Variants in KCNIP4 observed in about 807,000 individuals in gnomAD.
KCNIP4 encodes the protein potassium voltage-gated channel interacting protein 4.
A neutral mutation model predicts 34.0 loss-of-function variants in KCNIP4; 12 were observed. The ratio of observed to expected loss-of-function variants is 0.35; its 90% CI spans 0.23 to 0.57. KCNIP4 has a LOEUF of 0.57. KCNIP4 is among the 20% of genes least tolerant of loss of function. The pLI is 0.83. For missense variants in KCNIP4, 238 were observed against 311.7 expected (o/e 0.76, Z 1.78); for synonymous variants, 124 against 102.2 (o/e 1.21, Z -1.29).
intron 1 of KCNIP4, among the ~76,000 whole-genome samples, chr4:21,939,150 T>C (rs1181226266): frequency 6.6e-6 from 1 of 152,176 alleles, no homozygotes; most frequent in Non-Finnish European, 1.5e-5. Flanking sequence ...GTTTTACCCT[T>C]TTACAGTTTA....
chr4:21,497,475 T>C (rs1732946250), intron 1 of KCNIP4, among the ~76,000 whole-genome samples: 1 of 152,168 alleles, frequency 6.6e-6, no homozygotes, highest in Non-Finnish European at 1.5e-5. Context: ...GATGAACTCC[T>C]ACTCATCCCT....
chr4:21,222,844 ATAT>A (rs1348095375), intron 1 of KCNIP4, among the ~76,000 whole-genome samples: 1 of 152,198 alleles, frequency 6.6e-6, no homozygotes, highest in Non-Finnish European at 1.5e-5. Context: ...GTGTTTTGCA[ATAT>A]TGCCTACCCA....
intron 1 of KCNIP4, among the ~76,000 whole-genome samples, chr4:21,766,294 T>A (rs914885089): frequency 4.6e-5 from 7 of 152,156 alleles, no homozygotes; most frequent in Admixed American, 4.6e-4. Flanking sequence ...ATTTACTATC[T>A]CAATAATAAC....
chr4:21,879,550 C>A (rs112651855), intron 1 of KCNIP4, among the ~76,000 whole-genome samples: 1 of 152,142 alleles, frequency 6.6e-6, no homozygotes, highest in African/African-American at 2.4e-5. Flanking sequence ...TCATTTTGTT[C>A]TGTTTTCCTG....
chr4:21,741,454 T>A (rs1251043481), intron 1 of KCNIP4, among the ~76,000 whole-genome samples: 1 of 152,160 alleles, frequency 6.6e-6, no homozygotes, highest in African/African-American at 2.4e-5. Context: ...TATCTGCTTC[T>A]ATTCCCCAAG....
chr4:21,214,323 C>T (rs1032509351), intron 1 of KCNIP4, among the ~76,000 whole-genome samples: 5 of 152,164 alleles, frequency 3.3e-5, no homozygotes, highest in African/African-American at 1.2e-4. Context: ...TCCCTGTCTC[C>T]TCTCATCTAC....
intron 3 of KCNIP4, among the ~76,000 whole-genome samples, chr4:20,819,047 G>A (rs1716777203): frequency 6.7e-6 from 1 of 148,566 alleles, no homozygotes; most frequent in Admixed American, 6.9e-5. Context: ...ACCACATACA[G>A]CTAATTTTGT....
intron 1 of KCNIP4, among the ~76,000 whole-genome samples, chr4:21,188,353 C>T (rs1479916316): frequency 6.6e-6 from 1 of 152,124 alleles, no homozygotes; most frequent in Non-Finnish European, 1.5e-5. Context: ...TCCACAGCTG[C>T]AAGCAACCAA....
chr4:21,248,465 A>G (rs1194110611), intron 1 of KCNIP4, among the ~76,000 whole-genome samples: 2 of 152,164 alleles, frequency 1.3e-5, no homozygotes, highest in African/African-American at 4.8e-5. Flanking sequence ...CTGAATATTC[A>G]GTTGTTCACC....
chr4:21,776,693 A>G (rs1163218103), intron 1 of KCNIP4, among the ~76,000 whole-genome samples: 3 of 152,146 alleles, frequency 2.0e-5, no homozygotes, highest in Admixed American at 1.3e-4. Flanking sequence ...GAAACCAGGT[A>G]GAGGTGATTG....
intron 1 of KCNIP4, among the ~76,000 whole-genome samples, chr4:21,535,497 T>C (rs1204702970): frequency 6.6e-6 from 1 of 152,146 alleles, no homozygotes; most frequent in Non-Finnish European, 1.5e-5. Context: ...ATCGCATGTT[T>C]CTATATTTTT....
chr4:21,083,017 T>G (rs903760853), intron 1 of KCNIP4, among the ~76,000 whole-genome samples: 1 of 151,848 alleles, frequency 6.6e-6, no homozygotes, highest in Non-Finnish European at 1.5e-5. Context: ...CAGAGTAATA[T>G]AGTCAGTAAG....
rs915002367 is a variant in KCNIP4, at chr4:21,847,224, C to T, written c.61+101347G>A. 5 of 152,026 alleles carry T rather than the reference C, an allele frequency of 3.3e-5. 1 individual carries two copies. In the South Asian group the frequency reaches 1.0e-3, roughly 31 times the overall value. 9.4% of individuals were successfully genotyped at this position (152,026 alleles called of 1,614,324 possible). ...TATAATAAAAGCACCCTGACAATCT[C>T]AGGTTAGTAAAATGCAATAGTTGAA... is the stretch of plus-strand genomic sequence containing the variant. On this transcript the variant is annotated intron_variant, in intron 1 of 8. Coordinates refer to ENST00000382152, the MANE Select transcript of KCNIP4 (RefSeq NM_025221.6).
At chr4:20,988,371 G>A (rs1334468713) in intron 1 of KCNIP4, among the ~76,000 whole-genome samples, 1 of 152,198 alleles carries the variant, frequency 6.6e-6, no homozygotes, top group Non-Finnish European at 1.5e-5. Flanking sequence ...GAAAGAGAGA[G>A]GGTCAGTAGA....
chr4:21,699,051 A>G (rs1211361977), intron 1 of KCNIP4, among the ~76,000 whole-genome samples: 1 of 152,204 alleles, frequency 6.6e-6, no homozygotes, highest in Non-Finnish European at 1.5e-5. Flanking sequence ...GTGCTTTCTG[A>G]AGTTCTTTCT....
intron 1 of KCNIP4, among the ~76,000 whole-genome samples, chr4:20,891,443 A>G (rs1362192733): frequency 6.6e-6 from 1 of 152,022 alleles, no homozygotes; most frequent in Non-Finnish European, 1.5e-5. Flanking sequence ...CATCTCTACT[A>G]AAAATACAAA....
intron 1 of KCNIP4, chr4:21,303,729 GT>G: frequency 9.0e-7 from 1 of 1,113,164 alleles, no homozygotes. Flanking sequence ...CTCATTTCAG[GT>G]GCCTCTTACA....
intron 1 of KCNIP4, among the ~76,000 whole-genome samples, chr4:21,641,478 T>C (rs946882942): frequency 6.6e-6 from 1 of 152,210 alleles, no homozygotes; most frequent in Admixed American, 6.5e-5. Flanking sequence ...AATGCAAATA[T>C]ATACCAATTT....
chr4:21,489,969 A>G (rs1231566451), intron 1 of KCNIP4, among the ~76,000 whole-genome samples: 1 of 152,156 alleles, frequency 6.6e-6, no homozygotes, highest in Admixed American at 6.6e-5. Context: ...ACTACAATTT[A>G]TTTCTGAGCA....
Sources: allele counts gnomAD v4.1 joint callset (sites outside exome capture counted in the v4.1 genomes callset), GRCh38; gene constraint gnomAD v4.1.1; transcripts MANE v1.5; gene names NCBI Gene and HGNC (gene_info 2026-07-23, HGNC 2026-07-21).